DYNC1I1: variants seen among roughly 807,000 people sequenced by gnomAD.
DYNC1I1 encodes the protein dynein cytoplasmic 1 intermediate chain 1, also known as cytoplasmic dynein 1 intermediate chain 1.
In DYNC1I1, 43 loss-of-function variants were observed where a neutral mutation model predicts 86.6. The ratio of observed to expected loss-of-function variants is 0.50; its 90% CI spans 0.39 to 0.64. DYNC1I1 has a LOEUF of 0.64. Among genes scored for constraint, DYNC1I1 ranks in the 30% least tolerant of loss-of-function variants. The pLI is 0.00. For missense variants in DYNC1I1, 604 were observed against 788.8 expected (o/e 0.77, Z 2.81); for synonymous variants, 262 against 283.7 (o/e 0.92, Z 0.77).
At chr7:95,784,647 G>GA (rs1181689751) in intron 1 of DYNC1I1, among the ~76,000 whole-genome samples, 1 of 152,176 alleles carries the variant, frequency 6.6e-6, no homozygotes, top group Non-Finnish European at 1.5e-5. Flanking sequence ...AACTTGTTGT[G>GA]AAAAACAGAG....
chr7:95,965,019 A>G (rs945448830), intron 6 of DYNC1I1, among the ~76,000 whole-genome samples: 4 of 152,174 alleles, frequency 2.6e-5, no homozygotes, highest in African/African-American at 7.2e-5. Context: ...AGCTGGACAC[A>G]TGGCGTGGTC....
At chr7:95,802,479 A>T (rs1018284128) in intron 1 of DYNC1I1, among the ~76,000 whole-genome samples, 2 of 152,160 alleles carry the variant, frequency 1.3e-5, no homozygotes, top group African/African-American at 2.4e-5. Flanking sequence ...CCAGTCTGTT[A>T]TACAGGCAGG....
At chr7:96,068,215 C>T (rs1237628916) in intron 14 of DYNC1I1, among the ~76,000 whole-genome samples, 1 of 152,138 alleles carries the variant, frequency 6.6e-6, no homozygotes, top group Non-Finnish European at 1.5e-5. Flanking sequence ...AATTGATTTC[C>T]ATTCGGCTTT....
intron 6 of DYNC1I1, among the ~76,000 whole-genome samples, chr7:95,896,235 A>G (rs1219763090): frequency 1.3e-5 from 2 of 152,150 alleles, no homozygotes; most frequent in Non-Finnish European, 2.9e-5. Flanking sequence ...CCTGAGCCCT[A>G]AGCCCTAAAT....
At chr7:95,929,527 T>C (rs1562946930) in intron 6 of DYNC1I1, among the ~76,000 whole-genome samples, 2 of 152,150 alleles carry the variant, frequency 1.3e-5, no homozygotes, top group African/African-American at 4.8e-5. Flanking sequence ...GGGTTGTTTG[T>C]TGTTGCTTGT....
chr7:95,786,960 G>A (rs1442633701), intron 1 of DYNC1I1, among the ~76,000 whole-genome samples: 1 of 152,148 alleles, frequency 6.6e-6, no homozygotes, highest in African/African-American at 2.4e-5. Flanking sequence ...ATTCTTACCT[G>A]TAGTCAGCTA....
At chr7:96,039,223 A>G (rs965570023) in intron 13 of DYNC1I1, 54 bp from the exon 14 acceptor site, 1 of 1,554,990 alleles carries the variant, frequency 6.4e-7, no homozygotes, top group East Asian at 2.3e-5. Context: ...TTTTTAAGCA[A>G]TCATTGCTTT....
chr7:95,811,232 GT>G (rs1174564003), intron 3 of DYNC1I1, among the ~76,000 whole-genome samples: 2 of 152,004 alleles, frequency 1.3e-5, no homozygotes, highest in African/African-American at 4.8e-5. Flanking sequence ...TCATGTAATA[GT>G]TTTATTTTTC....
chr7:95,870,581 A>G (rs553134244), intron 6 of DYNC1I1, among the ~76,000 whole-genome samples: 1 of 152,250 alleles, frequency 6.6e-6, no homozygotes, highest in Non-Finnish European at 1.5e-5. Context: ...TTGGTTTGCC[A>G]ATTGAGGTAA....
At chr7:95,782,373 T>A (rs1794015983) in intron 1 of DYNC1I1, among the ~76,000 whole-genome samples, 1 of 152,240 alleles carries the variant, frequency 6.6e-6, no homozygotes, top group African/African-American at 2.4e-5. Flanking sequence ...GACTGATATG[T>A]AACCACATAT....
intron 10 of DYNC1I1, among the ~76,000 whole-genome samples, chr7:96,023,404 AG>A (rs1794600779): frequency 6.6e-6 from 1 of 152,180 alleles, no homozygotes; most frequent in African/African-American, 2.4e-5. Context: ...GGGAGCCTAG[AG>A]GGTAGGCTTC....
At chr7:95,818,623 G>A in intron 4 of DYNC1I1, 1 of 546,584 alleles carries the variant, frequency 1.8e-6, no homozygotes, top group South Asian at 2.8e-5. Context: ...TGAGATTACA[G>A]GCAGGACCCA....
intron 10 of DYNC1I1, 64 bp from the exon 11 acceptor site, chr7:96,028,111 A>G: frequency 6.4e-7 from 1 of 1,573,304 alleles, no homozygotes; most frequent in Non-Finnish European, 8.7e-7. Context: ...GTTTTCAGGA[A>G]GAAACAAGTC....
intron 16 of DYNC1I1, among the ~76,000 whole-genome samples, chr7:96,094,040 G>C (rs1414451883): frequency 6.6e-6 from 1 of 152,128 alleles, no homozygotes; most frequent in African/African-American, 2.4e-5. Flanking sequence ...AGTTGTCACT[G>C]AAGGAAGGTA....
intron 5 of DYNC1I1, among the ~76,000 whole-genome samples, chr7:95,828,389 A>G (rs1795249164): frequency 6.6e-6 from 1 of 152,146 alleles, no homozygotes; most frequent in Non-Finnish European, 1.5e-5. Flanking sequence ...AAACCCACAC[A>G]TCTAATTAAA....
At chr7:96,003,007 C>G (rs1372999442) in intron 10 of DYNC1I1, among the ~76,000 whole-genome samples, 1 of 152,054 alleles carries the variant, frequency 6.6e-6, no homozygotes, top group Non-Finnish European at 1.5e-5. Context: ...CCACGCCCAG[C>G]AAAGTTTTGT....
Position 95,836,778 on chromosome 7 carries a change from C to A in DYNC1I1, c.374+8662C>A, listed in dbSNP as rs532973208. Among the ~76,000 whole-genome samples, 14 of 152,288 alleles carry A rather than the reference C, an allele frequency of 9.2e-5. No homozygotes were observed. The South Asian group carries it at 2.7e-3, about 29-fold the overall frequency. ...ATTGCATTGGCTCCTGAGGCTTCTG[C>A]ATTCTTCACGTAGTTCTTGAGTCTT... On this transcript the variant is annotated intron_variant, in intron 5 of 16. Coordinates refer to ENST00000447467, the MANE Select transcript of DYNC1I1 (RefSeq NM_001135556.2).
At chr7:96,055,218 A>G (rs1221687160) in intron 14 of DYNC1I1, among the ~76,000 whole-genome samples, 2 of 152,074 alleles carry the variant, frequency 1.3e-5, no homozygotes, top group South Asian at 2.1e-4. Flanking sequence ...TTTATTAAAT[A>G]TGGACACAGG....
downstream of DYNC1I1, among the ~76,000 whole-genome samples, chr7:96,103,395 A>G (rs535350041): frequency 8.5e-5 from 13 of 152,288 alleles, no homozygotes; most frequent in South Asian, 1.9e-3. Context: ...CATATTAGCA[A>G]TCTAACCCAA....
Sources: allele counts gnomAD v4.1 joint callset (sites outside exome capture counted in the v4.1 genomes callset), GRCh38; gene constraint gnomAD v4.1.1; transcripts MANE v1.5; gene names NCBI Gene and HGNC (gene_info 2026-07-23, HGNC 2026-07-21).